The following PLCXD3 variants were observed in gnomAD, a reference collection of about 807,000 sequenced individuals.
PLCXD3 encodes PI-PLC X domain-containing protein 3.
In PLCXD3, 19 loss-of-function variants were observed where a neutral mutation model predicts 25.5. The observed-to-expected ratio is 0.75, with a 90% CI of 0.52 to 1.09. The LOEUF (loss-of-function observed/expected upper bound fraction) is 1.09. Among genes scored for constraint, PLCXD3 ranks in the 50% least tolerant of loss-of-function variants. PLCXD3 has a pLI of 0.00. For missense variants in PLCXD3, 411 were observed against 388.1 expected (o/e 1.06, Z -0.50); for synonymous variants, 174 against 137.6 (o/e 1.26, Z -1.85).
chr5:41,368,904 A>G (rs572582396), intron 2 of PLCXD3, among the ~76,000 whole-genome samples: 7 of 152,328 alleles, frequency 4.6e-5, no homozygotes, highest in African/African-American at 1.7e-4. Context: ...CAGCCTTTCT[A>G]TAAACAACCC....
intron 2 of PLCXD3, among the ~76,000 whole-genome samples, chr5:41,328,814 A>G (rs62363771): frequency 0.041 from 6,257 of 152,284 alleles, 216 homozygotes; most frequent in Non-Finnish European, 0.06. Context: ...AAAAAGATTT[A>G]AGAGTTGGAA....
chr5:41,401,092 G>C (rs1746172689), intron 1 of PLCXD3, among the ~76,000 whole-genome samples: 2 of 151,778 alleles, frequency 1.3e-5, no homozygotes, highest in Non-Finnish European at 2.9e-5. Context: ...TTAAAACTTG[G>C]TTAGCTTCTA....
intron 1 of PLCXD3, among the ~76,000 whole-genome samples, chr5:41,435,035 T>A (rs1158405677): frequency 6.6e-6 from 1 of 152,234 alleles, no homozygotes; most frequent in Non-Finnish European, 1.5e-5. Flanking sequence ...AGTGTCACCA[T>A]TCAAAGCAAG....
intron 2 of PLCXD3, among the ~76,000 whole-genome samples, chr5:41,320,355 T>C (rs1743429546): frequency 6.6e-6 from 1 of 152,090 alleles, no homozygotes; most frequent in African/African-American, 2.4e-5. Flanking sequence ...CTGATGAATA[T>C]TGATGTAAAA....
intron 2 of PLCXD3, among the ~76,000 whole-genome samples, chr5:41,352,848 G>A (rs1377163741): frequency 1.3e-5 from 2 of 152,116 alleles, no homozygotes; most frequent in Non-Finnish European, 2.9e-5. Flanking sequence ...TTAATTACAA[G>A]AAAGGCCCAT....
intron 1 of PLCXD3, among the ~76,000 whole-genome samples, chr5:41,443,088 AATT>A (rs1747418332): frequency 6.7e-6 from 1 of 148,804 alleles, no homozygotes; most frequent in African/African-American, 2.4e-5. Context: ...GAGGCTGTAT[AATT>A]ATAATATATA....
chr5:41,341,661 A>G (rs1369503106), intron 2 of PLCXD3, among the ~76,000 whole-genome samples: 1 of 151,898 alleles, frequency 6.6e-6, no homozygotes, highest in Non-Finnish European at 1.5e-5. Context: ...TCATTCCTCT[A>G]CCTTATAAAA....
Position 41,355,473 on chromosome 5 carries a change from C to T in PLCXD3, c.812+26353G>A, listed in dbSNP as rs190394566. Among the ~76,000 whole-genome samples the T allele has an allele frequency of 3.5e-4, 53 of 152,312 alleles. 1 individual carries two copies. The highest frequency in any genetic ancestry group is 1.2e-3 in the African/African-American group (49 of 41,568). On this transcript the variant is annotated intron_variant, in intron 2 of 2. Transcript: ENST00000377801. ...ATATCATAATCCAACCCCTATGCTC[C>T]TGTTTCAACCTGAAGCCACACCCTT...
intron 2 of PLCXD3, among the ~76,000 whole-genome samples, chr5:41,376,925 G>C (rs150594196): frequency 1.3e-5 from 2 of 152,200 alleles, no homozygotes; most frequent in African/African-American, 2.4e-5. Flanking sequence ...ATTTGATCTA[G>C]ATATTGTCAT....
intron 1 of PLCXD3, among the ~76,000 whole-genome samples, chr5:41,471,462 T>C (rs1260109697): frequency 6.6e-6 from 1 of 151,724 alleles, no homozygotes; most frequent in Non-Finnish European, 1.5e-5. Context: ...ACAGAAGGAG[T>C]ATTTAAACCA....
At chr5:41,413,851 A>G (rs1397278608) in intron 1 of PLCXD3, among the ~76,000 whole-genome samples, 1 of 152,150 alleles carries the variant, frequency 6.6e-6, no homozygotes, top group Non-Finnish European at 1.5e-5. Flanking sequence ...AGATACAAAT[A>G]TGTTTTTCAA....
intron 1 of PLCXD3, among the ~76,000 whole-genome samples, chr5:41,420,262 A>G (rs1338000931): frequency 6.6e-6 from 1 of 152,184 alleles, no homozygotes; most frequent in Non-Finnish European, 1.5e-5. Context: ...ATAGAAGAAA[A>G]CTGATACATG....
At chr5:41,372,298 T>TCACA (rs71608605) in intron 2 of PLCXD3, among the ~76,000 whole-genome samples, 161 of 110,780 alleles carry the variant, frequency 1.5e-3, no homozygotes, top group East Asian at 0.014. Flanking sequence ...TCTCTCTCTC[T>TCACA]CACACACACA....
intron 1 of PLCXD3, chr5:41,456,484 AAAAT>A (rs1174888654): frequency 2.9e-5 from 22 of 767,468 alleles, no homozygotes; most frequent in Non-Finnish European, 1.3e-5. Context: ...GGATAAATGA[AAAAT>A]AAAATATACA....
chr5:41,382,971 A>G lies in PLCXD3; in HGVS notation c.104-437T>C, dbSNP rs1745518827. On this transcript the variant is annotated intron_variant, in intron 1 of 2. Transcript: ENST00000377801. ...TAAGCCTAGAAGGATTGTCTCAATG[A>G]ATAAAGATGCCCTTTTCACAGGCAA... Among the ~76,000 whole-genome samples, 4 of 152,108 alleles carry G rather than the reference A, an allele frequency of 2.6e-5. No homozygotes were observed. In the South Asian group the frequency reaches 8.3e-4, roughly 32 times the overall value.
chr5:41,314,089 C>A (rs1029490891), intron 2 of PLCXD3, among the ~76,000 whole-genome samples: 6 of 152,180 alleles, frequency 3.9e-5, no homozygotes, highest in Non-Finnish European at 8.8e-5. Context: ...ATGGTGTCAT[C>A]ACAAACCCTG....
chr5:41,486,337 C>T (rs1748517291), intron 1 of PLCXD3, among the ~76,000 whole-genome samples: 1 of 151,974 alleles, frequency 6.6e-6, no homozygotes, highest in South Asian at 2.1e-4. Flanking sequence ...AGGATATTCT[C>T]CCAATCACGT....
Position 41,501,418 on chromosome 5 carries a change from G to A in PLCXD3, c.103+9006C>T, listed in dbSNP as rs76504821. Among the ~76,000 whole-genome samples the A allele has an allele frequency of 8.9e-3, 1,353 of 152,040 alleles. 22 individuals carry two copies. The highest frequency in any genetic ancestry group is 0.031 in the African/African-American group (1,276 of 41,504). On this transcript the variant is annotated intron_variant, in intron 1 of 2. Transcript: ENST00000377801. ...TGGGTAAACCTTGAAGACATTATGC[G>A]AACTGAAATAAACCAGTCACAAAAG...
At position 41,456,582 on chromosome 5, in the gene PLCXD3, C is replaced by A. The variant is rs73079760; in HGVS notation, c.103+53842G>T. On this transcript the variant is annotated intron_variant, in intron 1 of 2. Coordinates refer to ENST00000377801, the MANE Select transcript of PLCXD3 (RefSeq NM_001005473.3). ...AATGCTGGAAAGTAGATGTTTGTGT[C>A]CCCCCTGACACTCCAAATTCATATG... 4.1e-3 allele frequency: 3,732 copies of A among 914,356 alleles called. 126 individuals are homozygous for A. In the African/African-American group the frequency reaches 0.063, roughly 16 times the overall value. 56.6% of individuals were successfully genotyped at this position (914,356 alleles called of 1,614,324 possible). A position where few individuals can be genotyped will look rare whatever the true frequency, so the allele number is the denominator to read the frequency against.
Sources: gnomAD v4.1 joint callset for allele counts (sites outside exome capture counted in the v4.1 genomes callset) on GRCh38, gnomAD v4.1.1 for gene constraint, MANE v1.5 for transcripts, NCBI Gene and HGNC (gene_info 2026-07-23, HGNC 2026-07-21) for gene names.